The following MBTD1 variants were observed in gnomAD, a reference collection of about 807,000 sequenced individuals.
The protein encoded by MBTD1 is mbt domain containing 1.
Under a neutral mutation model 87.8 loss-of-function variants are expected in MBTD1, and 24 were observed. The observed-to-expected ratio is 0.27, with a 90% confidence interval of 0.20 to 0.38. The LOEUF (loss-of-function observed/expected upper bound fraction) is 0.38. Ranked by LOEUF, MBTD1 falls within the 10% of genes least tolerant of loss-of-function variation. MBTD1 has a pLI of 1.00. For synonymous variants in MBTD1, 237 were observed against 248.6 expected (o/e 0.95, Z 0.44); for missense variants, 436 against 760.2 (o/e 0.57, Z 5.02).
At chr17:51,254,877 T>C (rs2054992515) in intron 2 of MBTD1, among the ~76,000 whole-genome samples, 1 of 152,250 alleles carries the variant, frequency 6.6e-6, no homozygotes, top group South Asian at 2.1e-4. Flanking sequence ...AGAGATTCCC[T>C]GAGATCATTA....
chr17:51,193,015 T>C lies in MBTD1; in HGVS notation c.1457A>G (p.Asp486Gly), dbSNP rs772744452. Residue 486 changes from aspartate (D) to glycine (G), a missense_variant and splice_region_variant, in exon 15 of 17, where the codon GAT (aspartate) becomes GGT (glycine). Asp to Gly is a moderately conservative substitution (Grantham distance 94). Around this residue, in one of 5 missense-constraint regions of MBTD1, gnomAD observed 80 missense variants for 182.2 expected, o/e 0.44. Coordinates refer to ENST00000586178, the MANE Select transcript of MBTD1 (RefSeq NM_017643.3). ...TACACGAAATCCGTGATTTGGAACA[T>C]CCTGACACAGAGAAGAAAACATTAA... is the stretch of plus-strand genomic sequence containing the variant. Reference protein sequence around the residue: ...IAAPVKLFNKDVPNHGFRVGM... With the variant: ...IAAPVKLFNKGVPNHGFRVGM... The C allele has an allele frequency of 6.2e-7, 1 of 1,602,040 alleles. No homozygotes were observed. Among genetic ancestry groups the C allele is most frequent in the Non-Finnish European group, 8.6e-7 (1 of 1,169,406 alleles).
At chr17:51,215,195 G>A (rs545051489) in intron 6 of MBTD1, among the ~76,000 whole-genome samples, 1 of 152,128 alleles carries the variant, frequency 6.6e-6, no homozygotes, top group African/African-American at 2.4e-5. Flanking sequence ...AGAAAGCAGA[G>A]GCTCCACATT....
chr17:51,196,129 C>G (rs958980904), intron 12 of MBTD1, among the ~76,000 whole-genome samples: 6 of 152,020 alleles, frequency 3.9e-5, no homozygotes, highest in Non-Finnish European at 7.4e-5. Context: ...TCAGGCTGGT[C>G]TCAAACTCCT....
intron 7 of MBTD1, among the ~76,000 whole-genome samples, chr17:51,204,155 G>A (rs1203755605): frequency 6.6e-6 from 1 of 152,068 alleles, no homozygotes; most frequent in Non-Finnish European, 1.5e-5. Flanking sequence ...TGTTGCTGCT[G>A]GTCTATGAAC....
chr17:51,253,318 C>T (rs1463629975), intron 2 of MBTD1, among the ~76,000 whole-genome samples: 1 of 152,144 alleles, frequency 6.6e-6, no homozygotes, highest in Non-Finnish European at 1.5e-5. Context: ...TTTTAGGAAT[C>T]TGTCCTTCAG....
At position 51,179,515 on chromosome 17, in the gene MBTD1, T is replaced by TATATATTC. The variant is rs1281460520; in HGVS notation, c.*1060_*1061insGAATATAT. 7.0e-4 allele frequency: 71 copies of TATATATTC among 101,490 alleles called. 2 individuals carry two copies. Among genetic ancestry groups the TATATATTC allele is most frequent in the African/African-American group, 2.6e-3 (71 of 27,264 alleles). 6.3% of individuals were successfully genotyped at this position (101,490 alleles called of 1,614,324 possible). A position where few individuals can be genotyped will look rare whatever the true frequency, so the allele number is the denominator to read the frequency against. ...ATATATATATATATATATATATATA[T>TATATATTC]ATATATATATATATATATATATGGA... On this transcript the variant is annotated 3_prime_UTR_variant, in exon 17 of 17. Transcript: ENST00000586178.
In MBTD1 at chr17:51,259,283, A is replaced by G. The variant is rs968265034; in HGVS notation, c.-112-77T>C. On this transcript the variant is annotated intron_variant, in intron 1 of 16. Coordinates refer to ENST00000586178, the MANE Select transcript of MBTD1 (RefSeq NM_017643.3). ...GTCCACCGACTTGAAACCCTTTTAAATATGCAGCCTTGGAGGCTGCTTCCC... is the reference window on the plus strand; with the variant it reads ...GTCCACCGACTTGAAACCCTTTTAAGTATGCAGCCTTGGAGGCTGCTTCCC... 3 of 1,230,624 alleles carry G rather than the reference A, an allele frequency of 2.4e-6. No individual in the cohort carries two copies. In the Admixed American group the frequency reaches 1.3e-4, roughly 52 times the overall value. 76.2% of individuals were successfully genotyped at this position (1,230,624 alleles called of 1,614,324 possible). A position where few individuals can be genotyped will look rare whatever the true frequency, so the allele number is the denominator to read the frequency against.
At chr17:51,260,119 CCCT>C (rs2144365401), upstream of MBTD1, 2 of 373,244 alleles carry the variant, frequency 5.4e-6, no homozygotes, top group Admixed American at 8.9e-5. Flanking sequence ...TCCCTACATA[CCCT>C]CCTCTCTCGC....
intron 4 of MBTD1, among the ~76,000 whole-genome samples, chr17:51,220,046 A>G (rs1405891023): frequency 1.3e-5 from 2 of 152,242 alleles, no homozygotes; most frequent in Non-Finnish European, 2.9e-5. Context: ...AATGTCTTCA[A>G]TTTCTGTATA....
intron 2 of MBTD1, among the ~76,000 whole-genome samples, chr17:51,225,475 C>T (rs2053159465): frequency 6.6e-6 from 1 of 151,890 alleles, no homozygotes; most frequent in Non-Finnish European, 1.5e-5. Context: ...CCTTGGCCTC[C>T]TGAGTAGCTG....
chr17:51,179,516 A>ATATATATTTT lies in MBTD1; in HGVS notation c.*1059_*1060insAAAATATATA, dbSNP rs1568136310. 1 of 87,992 alleles carries ATATATATTTT rather than the reference A, an allele frequency of 1.1e-5. No individual in the cohort carries two copies. The highest frequency in any genetic ancestry group is 4.9e-5 in the African/African-American group (1 of 20,368). The allele number at this position is 87,992 out of a possible 1,614,324, so 5.5% of individuals were successfully genotyped here. On this transcript the variant is annotated 3_prime_UTR_variant, in exon 17 of 17. Transcript: ENST00000586178. ...TATATATATATATATATATATATAT[A>ATATATATTTT]TATATATATATATATATATATGGAA...
At chr17:51,187,999 G>T (rs2050625296) in intron 16 of MBTD1, among the ~76,000 whole-genome samples, 1 of 152,084 alleles carries the variant, frequency 6.6e-6, no homozygotes, top group Non-Finnish European at 1.5e-5. Flanking sequence ...AAAGGTAAAT[G>T]TAAGCCACAC....
intron 2 of MBTD1, among the ~76,000 whole-genome samples, chr17:51,258,505 TAAAAA>T (rs915956212): frequency 9.5e-6 from 1 of 105,484 alleles, no homozygotes; most frequent in Non-Finnish European, 2.1e-5. Context: ...GATAGTTACT[TAAAAA>T]AAAAAAAGAA....
At chr17:51,250,188 A>C (rs370383188) in intron 2 of MBTD1, 1 of 151,852 alleles carries the variant, frequency 6.6e-6, no homozygotes, top group African/African-American at 2.4e-5. Context: ...TACAGGTGTG[A>C]GCCACCACAC....
At chr17:51,242,604 T>A (rs7216962) in intron 2 of MBTD1, among the ~76,000 whole-genome samples, 93,674 of 151,896 alleles carry the variant, frequency 0.62, 29,372 homozygotes, top group African/African-American at 0.73. Flanking sequence ...TTATTGGATT[T>A]ATTTCATTTT....
intron 2 of MBTD1, among the ~76,000 whole-genome samples, chr17:51,230,781 C>T (rs2053505911): frequency 6.6e-6 from 1 of 152,102 alleles, no homozygotes; most frequent in South Asian, 2.1e-4. Flanking sequence ...CCTTGTAGGC[C>T]AGGGTAAGAA....
At chr17:51,193,665 TGG>T in intron 13 of MBTD1, among the ~76,000 whole-genome samples, 155 bp from the exon 14 acceptor site, 1 of 152,224 alleles carries the variant, frequency 6.6e-6, no homozygotes, top group Non-Finnish European at 1.5e-5. Flanking sequence ...TCGCCCAGGC[TGG>T]AGTGCAGTAG....
At chr17:51,251,343 T>TC in intron 2 of MBTD1, 1 of 152,242 alleles carries the variant, frequency 6.6e-6, no homozygotes, top group African/African-American at 2.4e-5. Context: ...CACTGCCATG[T>TC]TTCCAAGTCT....
intron 2 of MBTD1, among the ~76,000 whole-genome samples, chr17:51,251,910 G>A (rs1006554933): frequency 6.6e-6 from 1 of 152,102 alleles, no homozygotes; most frequent in African/African-American, 2.4e-5. Context: ...GGATTACAGT[G>A]TGTGCCACAA....
Sources: allele counts gnomAD v4.1 joint callset (sites outside exome capture counted in the v4.1 genomes callset), GRCh38; gene constraint gnomAD v4.1.1; regional missense constraint gnomAD v4.1.1; transcripts MANE v1.5; gene names NCBI Gene and HGNC (gene_info 2026-07-23, HGNC 2026-07-21).